PIK3C2A: variants seen among roughly 807,000 people sequenced by gnomAD.
PIK3C2A encodes the protein phosphatidylinositol 4-phosphate 3-kinase C2 domain-containing subunit alpha.
Under a neutral mutation model 204.5 loss-of-function variants are expected in PIK3C2A, and 97 were observed. The ratio of observed to expected loss-of-function variants is 0.47; its 90% confidence interval spans 0.40 to 0.56. PIK3C2A has a LOEUF of 0.56. PIK3C2A is among the 20% of genes least tolerant of loss of function. The probability of loss-of-function intolerance (pLI) is 0.00; values close to 1 mark genes in which losing one functional copy is unlikely to be tolerated. For synonymous variants in PIK3C2A, 653 were observed against 664.4 expected (o/e 0.98, Z 0.26); for missense variants, 1,735 against 1,969.2 (o/e 0.88, Z 2.25).
chr11:17,102,685 T>C lies in PIK3C2A; in HGVS notation c.3828A>G (p.Ala1276=), dbSNP rs969128568. The C allele has an allele frequency of 3.1e-6, 5 of 1,613,294 alleles. No homozygotes were observed. Among genetic ancestry groups the C allele is most frequent in the Non-Finnish European group, 3.4e-6 (4 of 1,179,686 alleles). The change falls in exon 24 of 33, where the codon GCA becomes GCG. Residue 1276 remains alanine, a synonymous_variant. Coordinates refer to ENST00000691414, the MANE Select transcript of PIK3C2A (RefSeq NM_002645.4). ...HIDFGKFLGH[A]QMFGSFKRDR... ...ACCTTTTGAAGCTGCCAAACATCTG[T>C]GCATGTCCCAAAAACTTTCCAAAGT...
At chr11:17,097,386 C>A in intron 26 of PIK3C2A, 122 bp from the exon 27 acceptor site, 1 of 643,814 alleles carries the variant, frequency 1.6e-6, no homozygotes, top group Non-Finnish European at 2.7e-6. Flanking sequence ...TGTCACTTTG[C>A]CAAGGATTCC....
chr11:17,146,620 C>T (rs1850253226), intron 6 of PIK3C2A, among the ~76,000 whole-genome samples: 1 of 151,516 alleles, frequency 6.6e-6, no homozygotes, highest in Non-Finnish European at 1.5e-5. Context: ...ATTCCAGAGG[C>T]TGAGGCATGA....
At position 17,181,954 on chromosome 11, in the gene PIK3C2A, G is replaced by A. The variant is rs1012519143; in HGVS notation, c.-65-12148C>T. Among the ~76,000 whole-genome samples the A allele has an allele frequency of 5.3e-5, 8 of 151,656 alleles. 1 individual carries two copies. Among genetic ancestry groups the A allele is most frequent in the Non-Finnish European group, 7.4e-5 (5 of 67,940 alleles). On this transcript the variant is annotated intron_variant, in intron 1 of 32. Coordinates refer to ENST00000691414, the MANE Select transcript of PIK3C2A (RefSeq NM_002645.4). ...TAAAAATATAAAAAATCAGCCAGGC[G>A]TGGTGGCACATGCTTGTAATCCCAG...
intron 1 of PIK3C2A, among the ~76,000 whole-genome samples, chr11:17,183,047 T>A (rs1329316178): frequency 6.6e-6 from 1 of 152,146 alleles, no homozygotes; most frequent in African/African-American, 2.4e-5. Context: ...GCCATGCATG[T>A]TGCCCAGGCT....
chr11:17,176,599 G>A (rs1851349243), intron 1 of PIK3C2A, among the ~76,000 whole-genome samples: 1 of 152,022 alleles, frequency 6.6e-6, no homozygotes, highest in South Asian at 2.1e-4. Context: ...GACCAGCGTG[G>A]GCAACATAGC....
At chr11:17,143,987 A>T (rs923770521) in intron 8 of PIK3C2A, among the ~76,000 whole-genome samples, 3 of 149,318 alleles carry the variant, frequency 2.0e-5, no homozygotes, top group African/African-American at 7.4e-5. Flanking sequence ...GGTTTTGTTA[A>T]TTTTTTTTTT....
rs557284688 is a variant in PIK3C2A, at chr11:17,131,858, T to C, written c.2231+58A>G. ...AAAATTAAAGCTAGGATGCATACAT[T>C]GGAAAAAGTAAACAACAGGACACAC... On this transcript the variant is annotated intron_variant, in intron 12 of 32. Transcript: ENST00000691414. The C allele has an allele frequency of 2.1e-6, 3 of 1,451,866 alleles. No individual in the cohort carries two copies. In the African/African-American group the frequency reaches 4.3e-5, roughly 21 times the overall value. The allele number at this position is 1,451,866 out of a possible 1,614,324, so 89.9% of individuals were successfully genotyped here. A position where few individuals can be genotyped will look rare whatever the true frequency, so the allele number is the denominator to read the frequency against.
rs575344284 is a variant in PIK3C2A at position 17,116,682 on chromosome 11, C to T, written c.3216+809G>A. On this transcript the variant is annotated intron_variant, in intron 19 of 32. Transcript: ENST00000691414. Reference sequence around the variant, plus strand: ...TCGGTTCACTGCAAGCTCCGCCTCCCGGGTTCACGCCATTCTCCTGCCTCA... The same window carrying T: ...TCGGTTCACTGCAAGCTCCGCCTCCTGGGTTCACGCCATTCTCCTGCCTCA... Among the ~76,000 whole-genome samples the T allele has an allele frequency of 2.9e-4, 44 of 152,136 alleles. 1 individual carries two copies. In the East Asian group the frequency reaches 6.8e-3, roughly 23 times the overall value.
At chr11:17,146,131 A>G (rs890147729) in intron 6 of PIK3C2A, among the ~76,000 whole-genome samples, 189 bp from the exon 7 acceptor site, 1 of 152,210 alleles carries the variant, frequency 6.6e-6, no homozygotes, top group Non-Finnish European at 1.5e-5. Context: ...AACATCCTGA[A>G]AAAAAACTTG....
intron 13 of PIK3C2A, among the ~76,000 whole-genome samples, chr11:17,127,985 G>A (rs1406378656): frequency 6.6e-6 from 1 of 152,124 alleles, no homozygotes; most frequent in Non-Finnish European, 1.5e-5. Context: ...CCACATACTA[G>A]CTAAGTGCCC....
At position 17,129,524 on chromosome 11, in the gene PIK3C2A, A is replaced by G. The variant is rs1849631657; in HGVS notation, c.2232-57T>C. 5 of 1,101,044 alleles carry G rather than the reference A, an allele frequency of 4.5e-6. No individual in the cohort carries two copies. In the South Asian group the frequency reaches 6.8e-5, roughly 15 times the overall value. 68.2% of individuals were successfully genotyped at this position (1,101,044 alleles called of 1,614,324 possible). ...ATTAGATTGAATGATTTTGAAATTT[A>G]ACACTTTAATGAGACTGACAATTTT... On this transcript the variant is annotated intron_variant, in intron 12 of 32. Coordinates refer to ENST00000691414, the MANE Select transcript of PIK3C2A (RefSeq NM_002645.4).
At chr11:17,137,878 G>A (rs769258583) in intron 8 of PIK3C2A, 8 of 356,782 alleles carry the variant, frequency 2.2e-5, no homozygotes, top group Non-Finnish European at 3.7e-5. Context: ...GACCCTCCAA[G>A]GCCAAGAGCA....
intron 1 of PIK3C2A, among the ~76,000 whole-genome samples, chr11:17,184,143 T>C (rs1321166513): frequency 6.6e-5 from 10 of 151,658 alleles, no homozygotes; most frequent in African/African-American, 2.4e-4. Flanking sequence ...AAGATTATAA[T>C]GTTATAACAG....
At chr11:17,115,372 GAAA>G (rs58726258) in intron 19 of PIK3C2A, among the ~76,000 whole-genome samples, 11 of 84,600 alleles carry the variant, frequency 1.3e-4, no homozygotes, top group African/African-American at 1.4e-4. Flanking sequence ...GTCCCTACAA[GAAA>G]AAAAAAAAAA....
intron 2 of PIK3C2A, among the ~76,000 whole-genome samples, chr11:17,157,332 T>C (rs922526420): frequency 6.6e-6 from 1 of 152,000 alleles, no homozygotes; most frequent in Non-Finnish European, 1.5e-5. Context: ...TGGTGGCAAG[T>C]GCTTGTAATT....
intron 8 of PIK3C2A, chr11:17,141,209 T>C (rs1293137860): frequency 6.6e-6 from 1 of 152,096 alleles, no homozygotes; most frequent in Non-Finnish European, 1.5e-5. Context: ...ACAAACGTTA[T>C]CTTTTCAAAG....
At chr11:17,128,032 C>T (rs1308371075) in intron 13 of PIK3C2A, among the ~76,000 whole-genome samples, 1 of 151,976 alleles carries the variant, frequency 6.6e-6, no homozygotes. Flanking sequence ...TTTGATTCCC[C>T]CCACTCCGTA....
intron 14 of PIK3C2A, 40 bp from the exon 15 acceptor site, chr11:17,122,373 G>T: frequency 1.5e-6 from 2 of 1,305,478 alleles, no homozygotes; most frequent in Non-Finnish European, 1.1e-6. Context: ...TACAGTCTAC[G>T]TATTTGCCAC....
chr11:17,153,331 A>G (rs1008302158), intron 3 of PIK3C2A, among the ~76,000 whole-genome samples: 1 of 151,990 alleles, frequency 6.6e-6, no homozygotes, highest in Admixed American at 6.6e-5. Context: ...GCTACTAAGG[A>G]GGCTGAGGCA....
Sources: allele counts gnomAD v4.1 joint callset (sites outside exome capture counted in the v4.1 genomes callset), GRCh38; gene constraint gnomAD v4.1.1; transcripts MANE v1.5; gene names NCBI Gene and HGNC (gene_info 2026-07-23, HGNC 2026-07-21).